SDHD: variants seen among roughly 807,000 people sequenced by gnomAD.
SDHD encodes succinate dehydrogenase [ubiquinone] cytochrome b small subunit, mitochondrial.
SDHD carries 6 observed loss-of-function variants against 18.7 expected under a neutral mutation model. That is an observed-to-expected ratio of 0.32 (90% confidence interval 0.18 to 0.63). The LOEUF is 0.63. Among genes scored for constraint, SDHD ranks in the 30% least tolerant of loss-of-function variants. The pLI is 0.79. For missense variants in SDHD, 160 were observed against 192.7 expected (o/e 0.83, Z 1.00); for synonymous variants, 56 against 73.9 (o/e 0.76, Z 1.24).
Position 112,095,568 on chromosome 11 carries a change from A to T in SDHD, c.*598A>T, listed in dbSNP as rs201100300. Reference sequence around the variant, plus strand: ...TTCTGAATATACAGAAGTTCCATTTAAGGGCAAGTTTCCCTGTAGATGTAT... The same window carrying T: ...TTCTGAATATACAGAAGTTCCATTTTAGGGCAAGTTTCCCTGTAGATGTAT... On this transcript the variant is annotated 3_prime_UTR_variant, in exon 4 of 4. Transcript: ENST00000375549. 32 of 231,132 alleles carry T rather than the reference A, an allele frequency of 1.4e-4. No individual in the cohort carries two copies. The highest frequency in any genetic ancestry group is 7.1e-4 in the African/African-American group (32 of 45,200). The allele number at this position is 231,132 out of a possible 1,614,324, so 14.3% of individuals were successfully genotyped here.
At chr11:112,094,259 G>T (rs1459113271) in intron 3 of SDHD, among the ~76,000 whole-genome samples, 1 of 151,836 alleles carries the variant, frequency 6.6e-6, no homozygotes, top group Non-Finnish European at 1.5e-5. Flanking sequence ...TTAGCTGGGT[G>T]TGGTGGTGGG....
At chr11:112,092,705 T>C (rs1289016935) in intron 3 of SDHD, among the ~76,000 whole-genome samples, 1 of 152,200 alleles carries the variant, frequency 6.6e-6, no homozygotes, top group East Asian at 1.9e-4. Flanking sequence ...GAAAACATTC[T>C]GGCAGTTACA....
intron 3 of SDHD, among the ~76,000 whole-genome samples, chr11:112,091,551 A>G (rs1308503480): frequency 6.6e-6 from 1 of 152,010 alleles, no homozygotes; most frequent in Admixed American, 6.6e-5. Context: ...TGAGCTGCAG[A>G]CTTGTTTATC....
intron 3 of SDHD, among the ~76,000 whole-genome samples, chr11:112,094,526 G>C (rs1426376326): frequency 6.6e-6 from 1 of 152,178 alleles, no homozygotes; most frequent in African/African-American, 2.4e-5. Context: ...TCAGGAGTTC[G>C]AGGCTGTAGT....
At chr11:112,093,686 T>G (rs1431758146) in intron 3 of SDHD, among the ~76,000 whole-genome samples, 1 of 152,186 alleles carries the variant, frequency 6.6e-6, no homozygotes, top group African/African-American at 2.4e-5. Context: ...CATATAAAAT[T>G]CAGATTCCTT....
intron 1 of SDHD, among the ~76,000 whole-genome samples, chr11:112,087,467 T>G (rs1865637759): frequency 1.3e-5 from 2 of 152,196 alleles, no homozygotes; most frequent in African/African-American, 2.4e-5. Flanking sequence ...TTCATTCTGA[T>G]GAGGAAAACA....
At chr11:112,089,061 G>A in intron 3 of SDHD, 50 bp downstream of exon 3, 1 of 1,605,856 alleles carries the variant, frequency 6.2e-7, no homozygotes, top group South Asian at 1.1e-5. Context: ...TGTTTGCTGT[G>A]AGCTTGTCTT....
chr11:112,087,128 T>C (rs1466504839), intron 1 of SDHD, among the ~76,000 whole-genome samples, 169 bp downstream of exon 1: 2 of 152,162 alleles, frequency 1.3e-5, no homozygotes, highest in East Asian at 3.9e-4. Context: ...CGAAGGTATA[T>C]TTCACTTGCT....
At position 112,095,769 on chromosome 11, in the gene SDHD, T is replaced by C. The variant is rs544286614; in HGVS notation, c.*799T>C. The C allele has an allele frequency of 5.8e-4, 119 of 205,418 alleles. 1 individual carries two copies. Among genetic ancestry groups the C allele is most frequent in the African/African-American group, 2.7e-3 (119 of 43,996 alleles). 12.7% of individuals were successfully genotyped at this position (205,418 alleles called of 1,614,324 possible). On this transcript the variant is annotated 3_prime_UTR_variant, in exon 4 of 4. Coordinates refer to ENST00000375549, the MANE Select transcript of SDHD (RefSeq NM_003002.4). ...TAATTTTTTTAAATAAAATGTTATATAATAAAAGTGTCTTCTATGCTTTTA... is the reference window on the plus strand; with the variant it reads ...TAATTTTTTTAAATAAAATGTTATACAATAAAAGTGTCTTCTATGCTTTTA...
rs540636469 is a variant in SDHD at position 112,087,572 on chromosome 11, A to G, written c.53-285A>G. ...CAAGAACTGTTAAAGAGATACGCCA[A>G]TAGGATTTGGCGATTGAATTTAGGG... is the stretch of plus-strand genomic sequence containing the variant. On this transcript the variant is annotated intron_variant, in intron 1 of 3. Coordinates refer to ENST00000375549, the MANE Select transcript of SDHD (RefSeq NM_003002.4). Among the ~76,000 whole-genome samples the G allele has an allele frequency of 2.0e-5, 3 of 152,304 alleles. No individual in the cohort carries two copies. In the South Asian group the frequency reaches 6.2e-4, roughly 32 times the overall value.
chr11:112,087,484 TAGTA>T, intron 1 of SDHD, among the ~76,000 whole-genome samples: 1 of 152,314 alleles, frequency 6.6e-6, no homozygotes, highest in South Asian at 2.1e-4. Flanking sequence ...AACACTGTCA[TAGTA>T]GTCCGGGCAA....
At chr11:112,090,977 T>C in intron 3 of SDHD, 1 of 363,848 alleles carries the variant, frequency 2.7e-6, no homozygotes, top group South Asian at 1.1e-4. Flanking sequence ...ATTATAGGTG[T>C]GAACCACCGT....
At chr11:112,088,800 G>A (rs2135268984) in intron 2 of SDHD, 67 bp from the exon 3 acceptor site, 1 of 1,578,422 alleles carries the variant, frequency 6.3e-7, no homozygotes, top group Middle Eastern at 2.3e-4. Flanking sequence ...TTACTGTGTG[G>A]CATATGTTGA....
Position 112,095,251 on chromosome 11 carries a change from C to T in SDHD, c.*281C>T, listed in dbSNP as rs1865820667. 6.6e-6 allele frequency: 3 copies of T among 457,648 alleles called. No homozygotes were observed. Among genetic ancestry groups the T allele is most frequent in the Non-Finnish European group, 1.2e-5 (3 of 248,546 alleles). 28.3% of individuals were successfully genotyped at this position (457,648 alleles called of 1,614,324 possible). On this transcript the variant is annotated 3_prime_UTR_variant, in exon 4 of 4. Coordinates refer to ENST00000375549, the MANE Select transcript of SDHD (RefSeq NM_003002.4). ...AGTATAACTAAACATGATATATCAGCTTTTGCCTTTCAATTTATCAATCTC... is the reference window on the plus strand; with the variant it reads ...AGTATAACTAAACATGATATATCAGTTTTTGCCTTTCAATTTATCAATCTC...
intron 3 of SDHD, chr11:112,091,091 A>G (rs778928174): frequency 6.1e-6 from 6 of 980,074 alleles, no homozygotes; most frequent in Non-Finnish European, 7.3e-6. Context: ...CTTTCCAAAT[A>G]AAAGATTCCA....
chr11:112,088,837 C>T, intron 2 of SDHD, 30 bp from the exon 3 acceptor site: 1 of 1,611,882 alleles, frequency 6.2e-7, no homozygotes, highest in Non-Finnish European at 8.5e-7. Flanking sequence ...TTTCTCACAT[C>T]AACTTTTATG....
rs1555186670 is a variant in SDHD, at chr11:112,086,934, C to T, written c.27C>T (p.Ala9=). 3.1e-6 allele frequency: 5 copies of T among 1,614,170 alleles called. No individual in the cohort carries two copies. The highest frequency in any genetic ancestry group is 2.5e-6 in the Non-Finnish European group (3 of 1,180,028). The change falls in exon 1 of 4, where the codon GCC becomes GCT. Residue 9 remains alanine, a synonymous_variant. Transcript: ENST00000375549. MAVLWRLS[A]VCGALGGRAL... is the part of the protein sequence containing the mutation. ...TGGCGGTTCTCTGGAGGCTGAGTGC[C>T]GTTTGCGGTGCCCTAGGAGGCCGAG...
rs200088980 is a variant in SDHD at position 112,095,444 on chromosome 11, C to T, written c.*474C>T. 27 of 251,968 alleles carry T rather than the reference C, an allele frequency of 1.1e-4. No homozygotes were observed. Among genetic ancestry groups the T allele is most frequent in the South Asian group, 4.9e-4 (4 of 8,188 alleles). The allele number at this position is 251,968 out of a possible 1,614,324, so 15.6% of individuals were successfully genotyped here. On this transcript the variant is annotated 3_prime_UTR_variant, in exon 4 of 4. Transcript: ENST00000375549. ...TCCCTCTCTAGACAGTAGATACCAC[C>T]TACTGATGGTTACATATACTAGGGA...
At chr11:112,088,123 C>T (rs759876578) in intron 2 of SDHD, 150 bp downstream of exon 2, 1 of 754,982 alleles carries the variant, frequency 1.3e-6, no homozygotes, top group Non-Finnish European at 2.4e-6. Context: ...TTTGGGCAGA[C>T]AGTGCCATTA....
Sources: allele counts gnomAD v4.1 joint callset (sites outside exome capture counted in the v4.1 genomes callset), GRCh38; gene constraint gnomAD v4.1.1; transcripts MANE v1.5; gene names NCBI Gene and HGNC (gene_info 2026-07-23, HGNC 2026-07-21).